Variants in PPP1R12B observed in about 807,000 individuals in gnomAD.
The protein encoded by PPP1R12B is protein phosphatase 1 regulatory subunit 12B.
Under a neutral mutation model 126.1 loss-of-function variants are expected in PPP1R12B, and 76 were observed. That is an observed-to-expected ratio of 0.60 (90% CI 0.50 to 0.73). PPP1R12B has a LOEUF of 0.73. PPP1R12B is among the 30% of genes least tolerant of loss of function. PPP1R12B has a pLI of 0.00. For synonymous variants in PPP1R12B, 356 were observed against 434.7 expected (o/e 0.82, Z 2.25); for missense variants, 1,052 against 1,205.1 (o/e 0.87, Z 1.88).
Position 202,580,874 on chromosome 1 carries a change from C to A in PPP1R12B, c.*314C>A. 1 of 291,676 alleles carries A rather than the reference C, an allele frequency of 3.4e-6. No individual in the cohort carries two copies. The highest frequency in any genetic ancestry group is 6.7e-6 in the Non-Finnish European group (1 of 148,302). The allele number at this position is 291,676 out of a possible 1,614,324, so 18.1% of individuals were successfully genotyped here. On this transcript the variant is annotated 3_prime_UTR_variant, in exon 24 of 24. Transcript: ENST00000608999. ...GACCCCTCAACTTCCTGCTGCTCAG[C>A]TACTTTGTCCACATTGGATTTGGTC...
At chr1:202,446,025 T>C (rs1672184798) in intron 12 of PPP1R12B, among the ~76,000 whole-genome samples, 1 of 151,980 alleles carries the variant, frequency 6.6e-6, no homozygotes, top group Admixed American at 6.6e-5. Flanking sequence ...TTTCTTTCCC[T>C]AAAATAAGCG....
chr1:202,420,090 C>T (rs1375068365), intron 2 of PPP1R12B, among the ~76,000 whole-genome samples: 1 of 152,214 alleles, frequency 6.6e-6, no homozygotes, highest in Non-Finnish European at 1.5e-5. Flanking sequence ...TAGCTATCTG[C>T]TTAGGAACAA....
chr1:202,439,279 C>A, intron 10 of PPP1R12B: 1 of 1,422,264 alleles, frequency 7.0e-7, no homozygotes, highest in Non-Finnish European at 9.9e-7. Flanking sequence ...AAGATACTGG[C>A]CCAGCAGGGT....
At chr1:202,459,065 A>G (rs554870428) in intron 13 of PPP1R12B, among the ~76,000 whole-genome samples, 6 of 152,320 alleles carry the variant, frequency 3.9e-5, no homozygotes, top group South Asian at 2.1e-4. Flanking sequence ...GTGCATACCA[A>G]TTGGCCAATG....
At chr1:202,560,912 C>T (rs114171079) in intron 19 of PPP1R12B, among the ~76,000 whole-genome samples, 3,456 of 151,810 alleles carry the variant, frequency 0.023, 134 homozygotes, top group African/African-American at 0.078. Context: ...TTTAAAAGCC[C>T]GATGACGAGT....
chr1:202,579,551 G>C (rs527876695), intron 23 of PPP1R12B, among the ~76,000 whole-genome samples: 1 of 152,340 alleles, frequency 6.6e-6, no homozygotes, highest in South Asian at 2.1e-4. Flanking sequence ...CAGCGTACTT[G>C]TTGAAAGTGC....
At chr1:202,436,505 G>A (rs529589458) in intron 9 of PPP1R12B, among the ~76,000 whole-genome samples, 1 of 152,254 alleles carries the variant, frequency 6.6e-6, no homozygotes, top group Admixed American at 6.5e-5. Context: ...CGCTGTATCA[G>A]GCAGTAAAGG....
chr1:202,391,586 T>C, intron 1 of PPP1R12B, among the ~76,000 whole-genome samples: 1 of 148,024 alleles, frequency 6.8e-6, no homozygotes, highest in South Asian at 2.1e-4. Context: ...ATAAATGAAT[T>C]ATCTTCAGGT....
At chr1:202,564,139 G>C (rs919425096) in intron 20 of PPP1R12B, among the ~76,000 whole-genome samples, 1 of 151,890 alleles carries the variant, frequency 6.6e-6, no homozygotes, top group Non-Finnish European at 1.5e-5. Context: ...CAGTAGACTG[G>C]TTCCAAAAAA....
chr1:202,386,979 G>A (rs1030047186), intron 1 of PPP1R12B, among the ~76,000 whole-genome samples: 10 of 152,302 alleles, frequency 6.6e-5, no homozygotes, highest in Non-Finnish European at 8.8e-5. Context: ...GAACATTTTA[G>A]AAGAGCTTTT....
intron 18 of PPP1R12B, among the ~76,000 whole-genome samples, chr1:202,533,463 GTTTT>G (rs939776956): frequency 2.6e-5 from 4 of 151,834 alleles, no homozygotes; most frequent in Non-Finnish European, 4.4e-5. Flanking sequence ...CTAATTTTGG[GTTTT>G]TTTGTTTTGT....
intron 18 of PPP1R12B, among the ~76,000 whole-genome samples, chr1:202,510,967 A>G (rs1326392447): frequency 1.4e-5 from 2 of 146,342 alleles, no homozygotes; most frequent in Non-Finnish European, 3.0e-5. Flanking sequence ...GTATTAATTT[A>G]TAATACATAT....
intron 1 of PPP1R12B, among the ~76,000 whole-genome samples, chr1:202,382,431 T>G (rs11588589): frequency 2.3e-5 from 3 of 132,260 alleles, no homozygotes; most frequent in African/African-American, 8.8e-5. Context: ...ATAAAAAAAA[T>G]ATATATATAA....
Position 202,437,887 on chromosome 1 carries a change from G to A in PPP1R12B, c.1321G>A (p.Gly441Arg), listed in dbSNP as rs1278458488. ...TGAATCTCCTTCTTCATGGAGATTG[G>A]GACTGAGAAAAACTGGCAGCCACAA... ...KDESPSSWRL[G>R]LRKTGSHNML... Residue 441 changes from glycine to arginine, a missense_variant, in exon 10 of 24, where the codon GGA (glycine) becomes AGA (arginine). Coordinates refer to ENST00000608999, the MANE Select transcript of PPP1R12B (RefSeq NM_002481.4). 9 of 1,613,782 alleles carry A rather than the reference G, an allele frequency of 5.6e-6. No homozygotes were observed. The highest frequency in any genetic ancestry group is 7.6e-6 in the Non-Finnish European group (9 of 1,179,844).
At chr1:202,420,405 G>C (rs1263994379) in intron 2 of PPP1R12B, among the ~76,000 whole-genome samples, 2 of 152,202 alleles carry the variant, frequency 1.3e-5, no homozygotes, top group African/African-American at 4.8e-5. Context: ...GAAGTGAAAG[G>C]TTTCTACAAG....
intron 18 of PPP1R12B, among the ~76,000 whole-genome samples, chr1:202,550,209 A>G (rs1686165813): frequency 6.6e-6 from 1 of 152,202 alleles, no homozygotes; most frequent in Non-Finnish European, 1.5e-5. Context: ...TGAGGTCTGG[A>G]GAGCCTCACT....
intron 18 of PPP1R12B, among the ~76,000 whole-genome samples, chr1:202,529,394 C>A (rs1186692938): frequency 6.6e-6 from 1 of 151,468 alleles, no homozygotes; most frequent in Non-Finnish European, 1.5e-5. Flanking sequence ...TCTGGATCAA[C>A]TGCAAATTCA....
At chr1:202,390,898 A>G (rs1474764000) in intron 1 of PPP1R12B, among the ~76,000 whole-genome samples, 1 of 152,144 alleles carries the variant, frequency 6.6e-6, no homozygotes, top group East Asian at 1.9e-4. Flanking sequence ...CAACATCTCT[A>G]CAAACAATTT....
intron 3 of PPP1R12B, 78 bp downstream of exon 3, chr1:202,422,816 A>C: frequency 6.3e-7 from 1 of 1,589,352 alleles, no homozygotes; most frequent in Non-Finnish European, 8.6e-7. Flanking sequence ...TTTGCTGTGC[A>C]GAGCATTTCA....
Sources: gnomAD v4.1 joint callset for allele counts (sites outside exome capture counted in the v4.1 genomes callset) on GRCh38, gnomAD v4.1.1 for gene constraint, MANE v1.5 for transcripts, NCBI Gene and HGNC (gene_info 2026-07-23, HGNC 2026-07-21) for gene names.